Variants in NNT observed in about 807,000 individuals in gnomAD.
NNT encodes the protein NAD(P) transhydrogenase, mitochondrial.
A neutral mutation model predicts 104.8 loss-of-function variants in NNT; 50 were observed. That is an observed-to-expected ratio of 0.48 (90% CI 0.38 to 0.60). The LOEUF (loss-of-function observed/expected upper bound fraction) is 0.60. Ranked by LOEUF, NNT falls within the 20% of genes least tolerant of loss-of-function variation. The pLI is 0.00. For missense variants in NNT, 1,131 were observed against 1,330.7 expected (o/e 0.85, Z 2.33); for synonymous variants, 461 against 490.4 (o/e 0.94, Z 0.79).
intron 19 of NNT, among the ~76,000 whole-genome samples, chr5:43,696,644 G>A (rs1183922424): frequency 6.6e-6 from 1 of 152,194 alleles, no homozygotes; most frequent in Non-Finnish European, 1.5e-5. Flanking sequence ...CCACCCCCGT[G>A]GCAGACTTCT....
intron 5 of NNT, among the ~76,000 whole-genome samples, chr5:43,622,926 A>T (rs1750172996): frequency 1.6e-5 from 2 of 124,106 alleles, no homozygotes; most frequent in African/African-American, 3.1e-5. Flanking sequence ...TGTGACTTTT[A>T]CTTATTTTTA....
At position 43,650,578 on chromosome 5, in the gene NNT, A is replaced by G; in HGVS notation, c.1708A>G (p.Asn570Asp). 6.2e-7 allele frequency: 1 copy of G among 1,612,468 alleles called. No homozygotes were observed. The highest frequency in any genetic ancestry group is 8.5e-7 in the Non-Finnish European group (1 of 1,178,478). ...AALAAFISSV[N>D]IAGGFLVTQR... is the part of the protein sequence containing the mutation. Reference sequence around the variant, plus strand: ...TCTTGCTGCATTCATATCCTCTGTCAACATTGCAGGTATGATGTCAGTGAA... The same window carrying G: ...TCTTGCTGCATTCATATCCTCTGTCGACATTGCAGGTATGATGTCAGTGAA... The change falls in exon 12 of 22, where the codon AAC (asparagine) becomes GAC (aspartate). Residue 570 changes from asparagine (N) to aspartate (D), a missense_variant. By Grantham distance (23) the Asn-to-Asp change is conservative. Coordinates refer to ENST00000344920, the MANE Select transcript of NNT (RefSeq NM_182977.3).
At chr5:43,683,055 G>A (rs942348547) in intron 19 of NNT, among the ~76,000 whole-genome samples, 1 of 152,172 alleles carries the variant, frequency 6.6e-6, no homozygotes, top group Non-Finnish European at 1.5e-5. Flanking sequence ...CCACTATTTG[G>A]CCTTGAATTA....
chr5:43,630,605 TCTC>T (rs1353914867), intron 7 of NNT, among the ~76,000 whole-genome samples: 1 of 152,198 alleles, frequency 6.6e-6, no homozygotes, highest in African/African-American at 2.4e-5. Context: ...CCTTTACAAA[TCTC>T]CTTCTAAAGA....
Position 43,653,222 on chromosome 5 carries a change from T to C in NNT, c.2059+9T>C, listed in dbSNP as rs376823185. ...TTTGGGTGGTACCATTGGTAAGCAC[T>C]TGTGGGCTTCTGCCTTCATGTGAAC... is the stretch of plus-strand genomic sequence containing the variant. On this transcript the variant is annotated intron_variant, in intron 14 of 21. Coordinates refer to ENST00000344920, the MANE Select transcript of NNT (RefSeq NM_182977.3). 7.7e-4 allele frequency: 1,239 copies of C among 1,606,190 alleles called. 2 individuals are homozygous for C. Among genetic ancestry groups the C allele is most frequent in the Non-Finnish European group, 9.4e-4 (1,099 of 1,174,584 alleles).
chr5:43,687,251 T>C (rs181450962), intron 19 of NNT, among the ~76,000 whole-genome samples: 4 of 152,288 alleles, frequency 2.6e-5, no homozygotes, highest in Admixed American at 2.0e-4. Flanking sequence ...ATTTTAGTTA[T>C]TTTCCTCTGT....
At chr5:43,644,076 A>G (rs1580021639) in intron 7 of NNT, 116 bp from the exon 8 acceptor site, 1 of 962,922 alleles carries the variant, frequency 1.0e-6, no homozygotes, top group East Asian at 2.5e-5. Context: ...TCTCTTGGAA[A>G]GAGTTAAAAT....
At chr5:43,635,927 A>G (rs946881321) in intron 7 of NNT, among the ~76,000 whole-genome samples, 2 of 152,186 alleles carry the variant, frequency 1.3e-5, no homozygotes, top group African/African-American at 4.8e-5. Context: ...AATTCAGCCC[A>G]TAACAAATGT....
rs1741643993 is a variant in NNT at position 43,680,443 on chromosome 5, G to A, written c.2876+2637G>A. 3.3e-5 allele frequency among the ~76,000 whole-genome samples: 5 copies of A among 152,138 alleles called. No individual in the cohort carries two copies. The South Asian group carries it at 1.0e-3, about 32-fold the overall frequency. ...TGAGTACAGCTGCTGGGCCTCTGGAGTTAGCAGGTCTTTGTGCCTCAGGAC... is the reference window on the plus strand; with the variant it reads ...TGAGTACAGCTGCTGGGCCTCTGGAATTAGCAGGTCTTTGTGCCTCAGGAC... On this transcript the variant is annotated intron_variant, in intron 19 of 21. Coordinates refer to ENST00000344920, the MANE Select transcript of NNT (RefSeq NM_182977.3).
chr5:43,680,260 G>A (rs1000605271), intron 19 of NNT, among the ~76,000 whole-genome samples: 1 of 152,112 alleles, frequency 6.6e-6, no homozygotes, highest in African/African-American at 2.4e-5. Flanking sequence ...TATATACATA[G>A]ATGCTAGCTT....
At chr5:43,624,483 G>A (rs573085796) in intron 6 of NNT, among the ~76,000 whole-genome samples, 1 of 152,180 alleles carries the variant, frequency 6.6e-6, no homozygotes. Context: ...TGAGTTGGGG[G>A]CATGCCCTAC....
chr5:43,619,258 G>A (rs894380419), intron 5 of NNT, 139 bp downstream of exon 5: 14 of 381,018 alleles, frequency 3.7e-5, no homozygotes, highest in Non-Finnish European at 6.4e-5. Context: ...AATATTTCAC[G>A]AAACCTCAAA....
chr5:43,667,354 G>A, intron 17 of NNT: 5 of 517,928 alleles, frequency 9.7e-6, no homozygotes, highest in Middle Eastern at 5.5e-4. Context: ...CATGCGCCAT[G>A]TTGGTGTGCT....
intron 17 of NNT, among the ~76,000 whole-genome samples, chr5:43,672,649 C>T (rs534311345): frequency 1.3e-5 from 2 of 152,210 alleles, no homozygotes; most frequent in South Asian, 2.1e-4. Context: ...CTGGAAGCTT[C>T]GTCTCAGAGG....
At position 43,644,794 on chromosome 5, in the gene NNT, G is replaced by A; in HGVS notation, c.1282G>A (p.Val428Met). ...TMGHVIRGTV[V>M]MKDGKVIFPA... The stretch of plus-strand genomic sequence containing the variant: ...GGGTCATGTCATTAGAGGAACTGTA[G>A]TGATGAAAGTAAGTAAAGAGATCTA... The change falls in exon 9 of 22, where the codon GTG becomes ATG. Residue 428 changes from valine (V) to methionine (M), a missense_variant. Coordinates refer to ENST00000344920, the MANE Select transcript of NNT (RefSeq NM_182977.3). The A allele has an allele frequency of 1.2e-6, 2 of 1,611,410 alleles. No individual in the cohort carries two copies. Among genetic ancestry groups the A allele is most frequent in the Non-Finnish European group, 1.7e-6 (2 of 1,178,112 alleles).
chr5:43,660,787 G>T (rs1740314892), intron 17 of NNT, among the ~76,000 whole-genome samples: 1 of 152,144 alleles, frequency 6.6e-6, no homozygotes, highest in Admixed American at 6.6e-5. Context: ...GAACTCACTA[G>T]CATAAGAACA....
At chr5:43,625,850 G>A (rs1027852450) in intron 6 of NNT, among the ~76,000 whole-genome samples, 1 of 152,092 alleles carries the variant, frequency 6.6e-6, no homozygotes, top group East Asian at 1.9e-4. Context: ...ATACCTTAAA[G>A]TCTCACTGCC....
chr5:43,623,402 G>A (rs764469332), intron 5 of NNT, among the ~76,000 whole-genome samples: 13 of 152,278 alleles, frequency 8.5e-5, no homozygotes, highest in Non-Finnish European at 1.9e-4. Flanking sequence ...ACTTGTTTCT[G>A]AGGAATTTTT....
intron 17 of NNT, among the ~76,000 whole-genome samples, chr5:43,669,811 G>A (rs954021608): frequency 2.0e-5 from 3 of 152,146 alleles, no homozygotes; most frequent in African/African-American, 7.2e-5. Flanking sequence ...GAGTTAGGGA[G>A]GATTCCCTCT....
Sources: gnomAD v4.1 joint callset for allele counts (sites outside exome capture counted in the v4.1 genomes callset) on GRCh38, gnomAD v4.1.1 for gene constraint, MANE v1.5 for transcripts, NCBI Gene and HGNC (gene_info 2026-07-23, HGNC 2026-07-21) for gene names.